TBATA: variants seen among roughly 807,000 people sequenced by gnomAD.
TBATA encodes the protein protein TBATA.
Under a neutral mutation model 38.7 loss-of-function variants are expected in TBATA, and 47 were observed. The ratio of observed to expected loss-of-function variants is 1.21; its 90% confidence interval spans 0.96 to 1.55. The LOEUF (loss-of-function observed/expected upper bound fraction) is 1.55, where lower values mean the gene tolerates loss of function less well. Ranked by LOEUF, TBATA falls within the 40% of genes most tolerant of loss-of-function variation. The probability of loss-of-function intolerance (pLI) is 0.00; values close to 1 mark genes in which losing one functional copy is unlikely to be tolerated. For synonymous variants in TBATA, 183 were observed against 170.5 expected, an observed-to-expected ratio of 1.07 and a Z score of -0.57; for missense variants, 436 against 435.6, an observed-to-expected ratio of 1.00 and a Z score of -0.01.
rs1400972243 is a variant in TBATA, at chr10:70,780,020, A to C, written c.278-278T>G. On this transcript the variant is annotated intron_variant, in intron 4 of 10. Transcript: ENST00000456372. Reference sequence around the variant, plus strand: ...AAGAACTTAGGCTTCCTGGGCCCCTAGTCCTGGGGATCTTCCGATTTCCTG... The same window carrying C: ...AAGAACTTAGGCTTCCTGGGCCCCTCGTCCTGGGGATCTTCCGATTTCCTG... 2.6e-5 allele frequency among the ~76,000 whole-genome samples: 4 copies of C among 152,188 alleles called. No individual in the cohort carries two copies. In the East Asian group the frequency reaches 7.7e-4, roughly 29 times the overall value.
At position 70,783,496 on chromosome 10, in the gene TBATA, T is replaced by A; in HGVS notation, c.-117A>T. Reference sequence around the variant, plus strand: ...ATGCAGAACAGGAACTCTCACGAACTGGTGGTGGAAGTGTAAACGGGAACA... The same window carrying A: ...ATGCAGAACAGGAACTCTCACGAACAGGTGGTGGAAGTGTAAACGGGAACA... On this transcript the variant is annotated 5_prime_UTR_variant, in exon 3 of 11. Coordinates refer to ENST00000456372, the MANE Select transcript of TBATA (RefSeq NM_001318241.2). The A allele has an allele frequency of 6.5e-6, 8 of 1,232,108 alleles. No individual in the cohort carries two copies. The highest frequency in any genetic ancestry group is 9.4e-6 in the Non-Finnish European group (8 of 849,864). The allele number at this position is 1,232,108 out of a possible 1,614,324, so 76.3% of individuals were successfully genotyped here.
rs560834413 is a variant in TBATA, at chr10:70,783,321, G to A, written c.41+18C>T. ...CCAAGCCCTCCTCAGTCAGCAGGGTGGGCATTTGGAGCCTCACCTCATCAG... is the reference window on the plus strand; with the variant it reads ...CCAAGCCCTCCTCAGTCAGCAGGGTAGGCATTTGGAGCCTCACCTCATCAG... On this transcript the variant is annotated intron_variant, in intron 3 of 10. Coordinates refer to ENST00000456372, the MANE Select transcript of TBATA (RefSeq NM_001318241.2). 8.7e-5 allele frequency: 141 copies of A among 1,614,088 alleles called. No homozygotes were observed. The highest frequency in any genetic ancestry group is 6.5e-4 in the South Asian group (59 of 91,082).
At chr10:70,774,850 G>A (rs369897116) in intron 8 of TBATA, among the ~76,000 whole-genome samples, 30 of 152,292 alleles carry the variant, frequency 2.0e-4, no homozygotes, top group Non-Finnish European at 3.8e-4. Context: ...CTGTGTGTGT[G>A]TGGGGGTCTC....
At chr10:70,782,431 C>T (rs899479813) in intron 3 of TBATA, 6 of 1,296,814 alleles carry the variant, frequency 4.6e-6, no homozygotes, top group Non-Finnish European at 6.0e-6. Context: ...CAACAGGGGC[C>T]TCTCCCCAAG....
At position 70,781,850 on chromosome 10, in the gene TBATA, G is replaced by C; in HGVS notation, c.228C>G (p.Ser76=). The C allele has an allele frequency of 6.2e-7, 1 of 1,614,160 alleles. No individual in the cohort carries two copies. The highest frequency in any genetic ancestry group is 1.3e-5 in the African/African-American group (1 of 75,070). ...TYCFGRLSHH[S]FFSRHHPHPQ... ...GGTGTGGGTGGTGCCGGGAGAAGAA[G>C]GAGTGGTGACTGAGGCGTCCAAAGC... Residue 76 remains serine, a synonymous_variant, in exon 4 of 11, where the codon TCC becomes TCG. Coordinates refer to ENST00000456372, the MANE Select transcript of TBATA (RefSeq NM_001318241.2).
At chr10:70,781,207 TC>T (rs1844170815) in intron 4 of TBATA, among the ~76,000 whole-genome samples, 3 of 152,242 alleles carry the variant, frequency 2.0e-5, no homozygotes, top group Admixed American at 6.5e-5. Flanking sequence ...GAGACATCTT[TC>T]CCCTGCTGTG....
chr10:70,778,845 G>T, intron 5 of TBATA: 1 of 649,480 alleles, frequency 1.5e-6, no homozygotes, highest in Non-Finnish European at 2.8e-6. Context: ...GTGCGGGGGT[G>T]GGGCATTGCT....
intron 9 of TBATA, among the ~76,000 whole-genome samples, chr10:70,773,483 C>G (rs559685206): frequency 1.3e-5 from 2 of 151,852 alleles, no homozygotes; most frequent in Admixed American, 6.6e-5. Context: ...GGCTTCACCC[C>G]GGCCTGCTAT....
chr10:70,776,412 T>C (rs1421450428), intron 7 of TBATA: 1 of 456,190 alleles, frequency 2.2e-6, no homozygotes, highest in African/African-American at 2.0e-5. Flanking sequence ...ACCTTAGTCC[T>C]GGCTATGCTG....
chr10:70,771,555 G>A (rs1842795328), intron 10 of TBATA, 94 bp from the exon 11 acceptor site: 2 of 1,220,532 alleles, frequency 1.6e-6, no homozygotes, highest in South Asian at 1.4e-5. Flanking sequence ...TGAGGGGAAG[G>A]TCTGAGTCAA....
In TBATA at chr10:70,773,471, C is replaced by CCA. The variant is rs548545292; in HGVS notation, c.920+741_920+742insTG. ...GTGACTGTTAAAAATACAGGCCCCC[C>CCA]CGGCTTCACCCCGGCCTGCTATGTT... is the stretch of plus-strand genomic sequence containing the variant. On this transcript the variant is annotated intron_variant, in intron 9 of 10. Transcript: ENST00000456372. Among the ~76,000 whole-genome samples the CCA allele has an allele frequency of 6.6e-5, 10 of 151,512 alleles. No individual in the cohort carries two copies. In the East Asian group the frequency reaches 1.2e-3, roughly 18 times the overall value.
intron 5 of TBATA, among the ~76,000 whole-genome samples, chr10:70,779,324 T>C (rs1843839364): frequency 1.3e-5 from 2 of 152,220 alleles, no homozygotes; most frequent in South Asian, 4.1e-4. Context: ...GACTGCAGGC[T>C]CAACATCTGC....
chr10:70,782,588 C>T, intron 3 of TBATA: 3 of 985,436 alleles, frequency 3.0e-6, no homozygotes, highest in Non-Finnish European at 3.6e-6. Flanking sequence ...CCATGGGGGT[C>T]CCTCCTAGGA....
At chr10:70,779,819 G>A (rs1843924906) in intron 4 of TBATA, 77 bp from the exon 5 acceptor site, 4 of 1,420,220 alleles carry the variant, frequency 2.8e-6, no homozygotes, top group African/African-American at 1.5e-5. Flanking sequence ...AAGAGGCTGA[G>A]AGGCAGGGTG....
intron 4 of TBATA, 133 bp from the exon 5 acceptor site, chr10:70,779,875 A>G (rs1288165441): frequency 5.2e-6 from 5 of 953,896 alleles, no homozygotes; most frequent in Non-Finnish European, 7.5e-6. Flanking sequence ...ATAGATTATC[A>G]GAGCTGGGAG....
intron 8 of TBATA, among the ~76,000 whole-genome samples, chr10:70,774,613 A>G (rs1843152188): frequency 6.6e-6 from 1 of 151,958 alleles, no homozygotes; most frequent in Non-Finnish European, 1.5e-5. Context: ...CCTGCCCACC[A>G]TATCCCCGGG....
chr10:70,783,877 T>G (rs1422421190), intron 2 of TBATA, among the ~76,000 whole-genome samples: 1 of 152,260 alleles, frequency 6.6e-6, no homozygotes, highest in Admixed American at 6.5e-5. Context: ...GCAATCTTAT[T>G]AACTCAATTT....
chr10:70,783,287 T>C, intron 3 of TBATA, 52 bp downstream of exon 3: 2 of 1,608,674 alleles, frequency 1.2e-6, no homozygotes, highest in Non-Finnish European at 1.7e-6. Context: ...TCTTCTACCC[T>C]GCCCTACCCC....
At chr10:70,773,066 G>T (rs1345350307) in intron 9 of TBATA, among the ~76,000 whole-genome samples, 7 of 152,142 alleles carry the variant, frequency 4.6e-5, no homozygotes, top group African/African-American at 1.7e-4. Flanking sequence ...CTCTGGGAGG[G>T]GGCTTTTGAG....
Sources: allele counts gnomAD v4.1 joint callset (sites outside exome capture counted in the v4.1 genomes callset), GRCh38; gene constraint gnomAD v4.1.1; transcripts MANE v1.5; gene names NCBI Gene and HGNC (gene_info 2026-07-23, HGNC 2026-07-21).